Variants in RASEF observed in about 807,000 individuals in gnomAD.
The protein encoded by RASEF is ras and EF-hand domain-containing protein.
Under a neutral mutation model 90.1 loss-of-function variants are expected in RASEF, and 68 were observed. The observed-to-expected ratio is 0.75, with a 90% CI of 0.62 to 0.92. The LOEUF (loss-of-function observed/expected upper bound fraction) is 0.92, where lower values mean the gene tolerates loss of function less well. Among genes scored for constraint, RASEF ranks in the 40% least tolerant of loss-of-function variants. The probability of loss-of-function intolerance (pLI) is 0.00; values close to 1 mark genes in which losing one functional copy is unlikely to be tolerated. For missense variants in RASEF, 949 were observed against 937.2 expected, an observed-to-expected ratio of 1.01 and a Z score of -0.16; for synonymous variants, 331 against 345.2, an observed-to-expected ratio of 0.96 and a Z score of 0.46.
At chr9:83,021,123 A>G (rs1829436103) in intron 3 of RASEF, among the ~76,000 whole-genome samples, 1 of 152,236 alleles carries the variant, frequency 6.6e-6, no homozygotes, top group Non-Finnish European at 1.5e-5. Flanking sequence ...CACAGGAAAA[A>G]GCAGGACAGT....
At position 83,003,935 on chromosome 9, in the gene RASEF, T is replaced by C. The variant is rs561388237; in HGVS notation, c.1202+563A>G. Among the ~76,000 whole-genome samples, 69 of 152,310 alleles carry C rather than the reference T, an allele frequency of 4.5e-4. 1 individual carries two copies. Among genetic ancestry groups the C allele is most frequent in the Non-Finnish European group, 8.5e-4 (58 of 68,016 alleles). Reference sequence around the variant, plus strand: ...GTAATCTCTAAGTGATTACTAGGTCTCAAGTAATAAAAGGCCTAATATTTC... The same window carrying C: ...GTAATCTCTAAGTGATTACTAGGTCCCAAGTAATAAAAGGCCTAATATTTC... On this transcript the variant is annotated intron_variant, in intron 9 of 16. Coordinates refer to ENST00000376447, the MANE Select transcript of RASEF (RefSeq NM_152573.4).
chr9:83,091,553 T>C, the RASEF span, among the ~76,000 whole-genome samples: 6 of 152,138 alleles, frequency 3.9e-5, no homozygotes, highest in African/African-American at 7.2e-5. Flanking sequence ...AGACACTGAC[T>C]GAAAAAAATA....
At chr9:83,043,222 G>T (rs545196242) in intron 1 of RASEF, among the ~76,000 whole-genome samples, 1 of 152,070 alleles carries the variant, frequency 6.6e-6, no homozygotes, top group Non-Finnish European at 1.5e-5. Context: ...AATCAATTGC[G>T]GTATTTTCAC....
At chr9:83,021,217 G>T (rs1300306522) in intron 3 of RASEF, among the ~76,000 whole-genome samples, 1 of 152,198 alleles carries the variant, frequency 6.6e-6, no homozygotes, top group Non-Finnish European at 1.5e-5. Flanking sequence ...TGTGAAGGCA[G>T]GTAGGTTGCA....
intron 5 of RASEF, among the ~76,000 whole-genome samples, chr9:83,010,438 T>C (rs192037363): frequency 2.6e-4 from 39 of 152,154 alleles, no homozygotes; most frequent in East Asian, 9.6e-4. Context: ...CTGATGGAAA[T>C]GTGTTGCCAA....
At chr9:83,035,967 T>C (rs1829734016) in intron 1 of RASEF, among the ~76,000 whole-genome samples, 1 of 152,228 alleles carries the variant, frequency 6.6e-6, no homozygotes, top group Non-Finnish European at 1.5e-5. Flanking sequence ...GTGTACCAAC[T>C]GTACATTTAA....
chr9:83,193,779 G>A, the RASEF span, among the ~76,000 whole-genome samples: 13 of 152,246 alleles, frequency 8.5e-5, no homozygotes, highest in East Asian at 9.7e-4. Context: ...GGCAGGGACC[G>A]AGGGATATAG....
chr9:83,151,893 T>A, the RASEF span, among the ~76,000 whole-genome samples: 1 of 152,142 alleles, frequency 6.6e-6, no homozygotes, highest in Non-Finnish European at 1.5e-5. Flanking sequence ...AGATATAGAT[T>A]ATTTTTTTCC....
chr9:83,158,832 A>G, the RASEF span, among the ~76,000 whole-genome samples: 2 of 150,918 alleles, frequency 1.3e-5, no homozygotes, highest in African/African-American at 4.9e-5. Context: ...ACAGACATAC[A>G]CACACACACA....
At chr9:83,160,989 C>T in the RASEF span, among the ~76,000 whole-genome samples, 5 of 152,154 alleles carry the variant, frequency 3.3e-5, no homozygotes, top group African/African-American at 7.2e-5. Context: ...ACCTAGATTT[C>T]GGAAGATATA....
chr9:83,083,807 A>T, the RASEF span, among the ~76,000 whole-genome samples: 18 of 152,144 alleles, frequency 1.2e-4, 1 homozygote, highest in South Asian at 1.5e-3. Flanking sequence ...AGCCTTTCTT[A>T]AAAAAGCTTA....
At position 83,015,883 on chromosome 9, in the gene RASEF, C is replaced by T; in HGVS notation, c.687G>A (p.Glu229=). ...KTRKDEKRKA[E]EALSDLRRQY... ...GACGTCTGAGGTCACTGAGGGCTTC[C>T]TCAGCTTTGCGTTTTTCCTAAAAGA... is the stretch of plus-strand genomic sequence containing the variant. The change falls in exon 4 of 17, where the codon GAG becomes GAA. Residue 229 remains glutamate, a synonymous_variant. Transcript: ENST00000376447. 6.2e-7 allele frequency: 1 copy of T among 1,613,588 alleles called. No individual in the cohort carries two copies.
chr9:83,001,950 T>C lies in RASEF; in HGVS notation c.1203-820A>G, dbSNP rs1171007282. The stretch of plus-strand genomic sequence containing the variant: ...TAAAGGCTGGAACTCCTGACTTCTA[T>C]AGATCTTACCATTAGTGAAACTCTG... On this transcript the variant is annotated intron_variant, in intron 9 of 16. Transcript: ENST00000376447. Among the ~76,000 whole-genome samples the C allele has an allele frequency of 2.6e-5, 4 of 152,330 alleles. No individual in the cohort carries two copies. The East Asian group carries it at 5.8e-4, about 22-fold the overall frequency.
chr9:83,188,694 C>T, the RASEF span, among the ~76,000 whole-genome samples: 27 of 152,182 alleles, frequency 1.8e-4, no homozygotes, highest in Non-Finnish European at 3.7e-4. Context: ...ATCTCTTTTC[C>T]TCCCTTCCAC....
chr9:83,064,021 T>G (rs1014205373), upstream of RASEF, among the ~76,000 whole-genome samples: 29 of 152,358 alleles, frequency 1.9e-4, no homozygotes, highest in African/African-American at 5.8e-4. Context: ...ATTATCCATT[T>G]CCTCCACATT....
rs1209877831 is a variant in RASEF, at chr9:83,008,901, T to TC, written c.959+739_959+740insG. 4.6e-4 allele frequency among the ~76,000 whole-genome samples: 50 copies of TC among 107,574 alleles called. 3 individuals are homozygous for TC. The highest frequency in any genetic ancestry group is 2.3e-3 in the East Asian group (8 of 3,462). The allele number at this position is 107,574 out of a possible 152,430, so 70.6% of individuals were successfully genotyped here. On this transcript the variant is annotated intron_variant, in intron 6 of 16. Coordinates refer to ENST00000376447, the MANE Select transcript of RASEF (RefSeq NM_152573.4). ...ATTTGAAGTTCTCATCATATATATA[T>TC]ATATATATATATATATATATATATA... is the stretch of plus-strand genomic sequence containing the variant.
rs1370964921 is a variant in RASEF at position 83,062,692 on chromosome 9, T to C, written c.176A>G (p.Asp59Gly). 1.3e-6 allele frequency: 2 copies of C among 1,574,830 alleles called. No individual in the cohort carries two copies. Among genetic ancestry groups the C allele is most frequent in the East Asian group, 2.3e-5 (1 of 43,310 alleles). Residue 59 changes from aspartate to glycine, a missense_variant, in exon 1 of 17, where the codon GAC becomes GGC. Asp to Gly is a moderately conservative substitution (Grantham distance 94). Coordinates refer to ENST00000376447, the MANE Select transcript of RASEF (RefSeq NM_152573.4). The part of the protein sequence containing the change: ...AVFQRLDADR[D>G]GAITFQEFAR... ...GAACTCCTGGAAGGTGATGGCGCCGTCACGGTCGGCGTCCAGCCGCTGGAA... is the reference window on the plus strand; with the variant it reads ...GAACTCCTGGAAGGTGATGGCGCCGCCACGGTCGGCGTCCAGCCGCTGGAA...
At chr9:83,033,645 G>A (rs1829686440) in intron 1 of RASEF, among the ~76,000 whole-genome samples, 1 of 152,184 alleles carries the variant, frequency 6.6e-6, no homozygotes, top group South Asian at 2.1e-4. Flanking sequence ...TGACATGATC[G>A]AGTTTGCATT....
the RASEF span, among the ~76,000 whole-genome samples, chr9:83,147,369 G>A: frequency 1.3e-3 from 197 of 152,180 alleles, 5 homozygotes; most frequent in East Asian, 0.027. Context: ...TTTCTGAGAA[G>A]GTCGGCGCAT....
Sources: gnomAD v4.1 joint callset for allele counts (sites outside exome capture counted in the v4.1 genomes callset) on GRCh38, gnomAD v4.1.1 for gene constraint, MANE v1.5 for transcripts, NCBI Gene and HGNC (gene_info 2026-07-23, HGNC 2026-07-21) for gene names.